Variants in GON4L observed in about 807,000 individuals in gnomAD.
GON4L encodes the protein gon-4 like.
A neutral mutation model predicts 211.8 loss-of-function variants in GON4L; 87 were observed. The observed-to-expected ratio is 0.41, with a 90% confidence interval of 0.35 to 0.49. GON4L has a LOEUF of 0.49. GON4L is among the 20% of genes least tolerant of loss of function. GON4L has a pLI of 0.15. For synonymous variants in GON4L, 875 were observed against 962.6 expected (o/e 0.91, Z 1.68); for missense variants, 2,155 against 2,659.5 (o/e 0.81, Z 4.17).
At chr1:155,748,908 G>A (rs973877627), downstream of GON4L, 28 of 974,120 alleles carry the variant, frequency 2.9e-5, no homozygotes, top group African/African-American at 4.3e-4. Context: ...AGGATAAAAA[G>A]AAGGGCTTTG....
chr1:155,806,291 T>C (rs924558669), intron 10 of GON4L, among the ~76,000 whole-genome samples: 1 of 151,960 alleles, frequency 6.6e-6, no homozygotes, highest in African/African-American at 2.4e-5. Flanking sequence ...TAGTTGGGAC[T>C]ACAGGCGTGT....
chr1:155,766,406 C>T lies in GON4L; in HGVS notation c.3067G>A (p.Ala1023Thr). ...QPSFNPGKTP[A>T]RSTHSEAPPS... ...GGGGCTTCTGAATGAGTTGATCGGG[C>T]TGGTGTTTTCCCAGGGTTGAAGCTG... The change falls in exon 21 of 32, where the codon GCC (alanine) becomes ACC (threonine). Residue 1023 changes from alanine to threonine, a missense_variant. By Grantham distance (58) the Ala-to-Thr change is moderately conservative. Transcript: ENST00000368331. 1 of 1,614,120 alleles carries T rather than the reference C, an allele frequency of 6.2e-7. No individual in the cohort carries two copies. Among genetic ancestry groups the T allele is most frequent in the Middle Eastern group, 1.6e-4 (1 of 6,062 alleles).
At position 155,756,843 on chromosome 1, in the gene GON4L, C is replaced by T. The variant is rs896722424; in HGVS notation, c.5517+115G>A. On this transcript the variant is annotated intron_variant, in intron 27 of 31. Transcript: ENST00000368331. ...ACTTGAGAGGCTGAGGTGGGAGAATCGCTTGAATCTGGGAGGTGGAGGTTG... is the reference window on the plus strand; with the variant it reads ...ACTTGAGAGGCTGAGGTGGGAGAATTGCTTGAATCTGGGAGGTGGAGGTTG... The T allele has an allele frequency of 3.0e-4, 216 of 723,936 alleles. 1 individual carries two copies. Among genetic ancestry groups the T allele is most frequent in the Middle Eastern group, 9.3e-4 (3 of 3,228 alleles). The allele number at this position is 723,936 out of a possible 1,614,324, so 44.8% of individuals were successfully genotyped here. A position where few individuals can be genotyped will look rare whatever the true frequency, so the allele number is the denominator to read the frequency against.
chr1:155,810,936 C>T (rs974150134), intron 10 of GON4L, among the ~76,000 whole-genome samples: 5 of 151,972 alleles, frequency 3.3e-5, no homozygotes, highest in African/African-American at 1.2e-4. Context: ...ACTGCTTGAA[C>T]CCGGGAGGCA....
At position 155,771,063 on chromosome 1, in the gene GON4L, T is replaced by C; in HGVS notation, c.2646+4A>G. 3 of 1,614,142 alleles carry C rather than the reference T, an allele frequency of 1.9e-6. No homozygotes were observed. The highest frequency in any genetic ancestry group is 2.5e-6 in the Non-Finnish European group (3 of 1,180,020). The stretch of plus-strand genomic sequence containing the variant: ...CCCGGATGGCGCATGCAGGAAACAC[T>C]CACTTTAATGATGTTGTCAGGAGCT... On this transcript the variant is annotated splice_donor_region_variant and intron_variant, in intron 19 of 31. Transcript: ENST00000368331.
intron 12 of GON4L, among the ~76,000 whole-genome samples, chr1:155,790,696 A>G (rs1322354436): frequency 6.6e-6 from 1 of 152,032 alleles, no homozygotes; most frequent in Admixed American, 6.6e-5. Flanking sequence ...CTGTAATCCC[A>G]GCACTTTGGG....
intron 23 of GON4L, 31 bp from the exon 24 acceptor site, chr1:155,760,672 C>T (rs929177256): frequency 1.4e-6 from 2 of 1,477,140 alleles, no homozygotes; most frequent in African/African-American, 2.8e-5. Context: ...TCATCAACAC[C>T]CTTTATTTGG....
At chr1:155,856,192 G>A (rs2102532025) in intron 1 of GON4L, among the ~76,000 whole-genome samples, 1 of 151,872 alleles carries the variant, frequency 6.6e-6, no homozygotes, top group Non-Finnish European at 1.5e-5. Context: ...AGCGTCTAAG[G>A]TTAGATTTCT....
rs1664791191 is a variant in GON4L, at chr1:155,784,902, CA to C, written c.1788+431del. On this transcript the variant is annotated intron_variant, in intron 13 of 31. Transcript: ENST00000368331. ...CCAAGGCAGGAAAATTGCTTGAGCC[CA>C]GAAGTTCCAGAACAACCTGAGCAAT... 2.1e-5 allele frequency: 6 copies of C among 286,220 alleles called. No individual in the cohort carries two copies. In the South Asian group the frequency reaches 2.2e-4, roughly 10 times the overall value. The allele number at this position is 286,220 out of a possible 1,614,324, so 17.7% of individuals were successfully genotyped here.
intron 14 of GON4L, among the ~76,000 whole-genome samples, chr1:155,781,366 G>A (rs894576062): frequency 2.0e-5 from 3 of 151,796 alleles, no homozygotes; most frequent in Non-Finnish European, 2.9e-5. Context: ...AGCTGGTCTC[G>A]AACTCCTGAC....
intron 23 of GON4L, 107 bp from the exon 24 acceptor site, chr1:155,760,748 T>C (rs1661703125): frequency 2.7e-6 from 2 of 735,624 alleles, no homozygotes; most frequent in East Asian, 2.5e-5. Context: ...CCAAGAATTA[T>C]CCATCAGAGG....
At position 155,750,408 on chromosome 1, in the gene GON4L, A is replaced by G; in HGVS notation, c.*176T>C. 1.6e-6 allele frequency: 1 copy of G among 620,410 alleles called. No homozygotes were observed. The highest frequency in any genetic ancestry group is 2.0e-5 in the South Asian group (1 of 50,766). 38.4% of individuals were successfully genotyped at this position (620,410 alleles called of 1,614,324 possible). On this transcript the variant is annotated 3_prime_UTR_variant, in exon 32 of 32. Transcript: ENST00000368331. ...TCATAAAAGACCTTGAATGATGCCTAGGATGGCAGAGCCCCTGGGTCCTAC... is the reference window on the plus strand; with the variant it reads ...TCATAAAAGACCTTGAATGATGCCTGGGATGGCAGAGCCCCTGGGTCCTAC...
In GON4L at chr1:155,753,250, C is replaced by T; in HGVS notation, c.5796G>A (p.Gln1932=). Reference sequence around the variant, plus strand: ...TTCTGGTGGTCCTGACAGTCCTGCTCTGGGTGGCCTCAGTGCTCTCCCGCT... The same window carrying T: ...TTCTGGTGGTCCTGACAGTCCTGCTTTGGGTGGCCTCAGTGCTCTCCCGCT... The part of the protein sequence containing the change: ...PEERESTEAT[Q]SRTVRTTRKG... The change falls in exon 29 of 32, where the codon CAG becomes CAA. Residue 1932 remains glutamine, a synonymous_variant. Transcript: ENST00000368331. 6.2e-7 allele frequency: 1 copy of T among 1,605,422 alleles called. No homozygotes were observed.
chr1:155,846,778 G>A (rs1463372882), intron 2 of GON4L, among the ~76,000 whole-genome samples: 3 of 152,026 alleles, frequency 2.0e-5, no homozygotes, highest in African/African-American at 4.8e-5. Flanking sequence ...TTGGGAGGCC[G>A]AGGTGGGTGG....
At chr1:155,779,116 C>A (rs1557853833) in intron 14 of GON4L, among the ~76,000 whole-genome samples, 3 of 151,304 alleles carry the variant, frequency 2.0e-5, no homozygotes, top group Non-Finnish European at 4.4e-5. Flanking sequence ...TAGCTGGGCG[C>A]AGTCGTGGGG....
chr1:155,810,436 G>A (rs561645318), intron 10 of GON4L, among the ~76,000 whole-genome samples: 2 of 149,978 alleles, frequency 1.3e-5, no homozygotes, highest in East Asian at 4.0e-4. Context: ...GGCCAGGCAT[G>A]GTGGCTCACG....
intron 4 of GON4L, 85 bp from the exon 5 acceptor site, chr1:155,821,633 T>G (rs1179668211): frequency 2.5e-6 from 2 of 810,520 alleles, no homozygotes; most frequent in Non-Finnish European, 4.4e-6. Flanking sequence ...GTCAGACCTA[T>G]GTACAGGACA....
rs779079440 is a variant in GON4L at position 155,784,062 on chromosome 1, T to C, written c.1816A>G (p.Met606Val). Residue 606 changes from methionine (M) to valine (V), a missense_variant, in exon 14 of 32, where the codon ATG becomes GTG. Transcript: ENST00000368331. ...TCCTCTTCTGGGCCATCATCTTCCA[T>C]GTTGGAGAATCCCATCTCATCTTGG... ...TFQDEMGFSN[M>V]EDDGPEEEEC... is the part of the protein sequence containing the mutation. The C allele has an allele frequency of 4.3e-6, 7 of 1,614,092 alleles. No homozygotes were observed. The highest frequency in any genetic ancestry group is 5.9e-6 in the Non-Finnish European group (7 of 1,179,964).
rs202045916 is a variant in GON4L, at chr1:155,820,569, T to TAA, written c.1014+35_1014+36dup. 4.2e-6 allele frequency: 6 copies of TAA among 1,424,780 alleles called. No individual in the cohort carries two copies. The Admixed American group carries it at 6.8e-5, about 16-fold the overall frequency. The allele number at this position is 1,424,780 out of a possible 1,614,324, so 88.3% of individuals were successfully genotyped here. A position where few individuals can be genotyped will look rare whatever the true frequency, so the allele number is the denominator to read the frequency against. On this transcript the variant is annotated intron_variant, in intron 6 of 31. Transcript: ENST00000368331. ...GTGAATTAGATCCTATTCACCAAGC[T>TAA]AAAAAAAAACCAACAACAAAAAAAC...
Sources: allele counts gnomAD v4.1 joint callset (sites outside exome capture counted in the v4.1 genomes callset), GRCh38; gene constraint gnomAD v4.1.1; transcripts MANE v1.5; gene names NCBI Gene and HGNC (gene_info 2026-07-23, HGNC 2026-07-21).